Variants in ACBD6 observed in about 807,000 individuals in gnomAD.
The protein encoded by ACBD6 is acyl-CoA-binding domain-containing protein 6.
Under a neutral mutation model 37.2 loss-of-function variants are expected in ACBD6, and 28 were observed. The observed-to-expected ratio is 0.75, with a 90% CI of 0.56 to 1.03. The LOEUF (loss-of-function observed/expected upper bound fraction) is 1.03, where lower values mean the gene tolerates loss of function less well. ACBD6 is among the 50% of genes least tolerant of loss of function. ACBD6 has a pLI of 0.00. For synonymous variants in ACBD6, 113 were observed against 126.8 expected, an observed-to-expected ratio of 0.89 and a Z score of 0.73; for missense variants, 340 against 337.4, an observed-to-expected ratio of 1.01 and a Z score of -0.06.
intron 3 of ACBD6, among the ~76,000 whole-genome samples, chr1:180,473,033 C>T (rs1650627679): frequency 6.6e-6 from 1 of 151,852 alleles, no homozygotes; most frequent in Non-Finnish European, 1.5e-5. Context: ...GTGAAATGCT[C>T]CATGGACTAT....
chr1:180,351,642 T>C (rs1652425636), intron 6 of ACBD6, among the ~76,000 whole-genome samples: 2 of 148,606 alleles, frequency 1.3e-5, no homozygotes, highest in South Asian at 4.2e-4. Context: ...TCTATTAAGA[T>C]GGCTAGTATC....
chr1:180,353,545 A>G (rs1482286552), intron 6 of ACBD6, among the ~76,000 whole-genome samples: 1 of 152,144 alleles, frequency 6.6e-6, no homozygotes, highest in African/African-American at 2.4e-5. Flanking sequence ...GCTGCAAAAG[A>G]TGTCAGAATT....
chr1:180,386,890 C>A (rs4642852), intron 6 of ACBD6, among the ~76,000 whole-genome samples: 100,341 of 151,938 alleles, frequency 0.66, 33,211 homozygotes, highest in South Asian at 0.76. Flanking sequence ...GATAATTTCA[C>A]CATCTCACTG....
intron 3 of ACBD6, chr1:180,434,690 T>G: frequency 2.3e-6 from 1 of 441,154 alleles, no homozygotes; most frequent in South Asian, 2.1e-5. Context: ...CTTCGAGTTG[T>G]CCTGTCTTTC....
At chr1:180,492,615 A>G (rs2102091190) in intron 2 of ACBD6, among the ~76,000 whole-genome samples, 1 of 152,300 alleles carries the variant, frequency 6.6e-6, no homozygotes, top group Non-Finnish European at 1.5e-5. Flanking sequence ...TTTTAAAAAC[A>G]CAGATACAAT....
intron 3 of ACBD6, among the ~76,000 whole-genome samples, chr1:180,480,939 G>A (rs527953055): frequency 6.6e-6 from 1 of 151,882 alleles, no homozygotes; most frequent in South Asian, 2.1e-4. Flanking sequence ...GCTGAGGCAG[G>A]AGAATTGCTG....
intron 3 of ACBD6, among the ~76,000 whole-genome samples, chr1:180,439,380 C>T (rs561509181): frequency 2.0e-3 from 304 of 152,176 alleles, no homozygotes; most frequent in African/African-American, 7.0e-3. Flanking sequence ...GTCAGGAGAT[C>T]GAGACCATCC....
chr1:180,291,318 A>C (rs1649699053), intron 7 of ACBD6, among the ~76,000 whole-genome samples: 1 of 152,234 alleles, frequency 6.6e-6, no homozygotes, highest in African/African-American at 2.4e-5. Flanking sequence ...ACTTTTCTAA[A>C]GTTTTCACTC....
intron 3 of ACBD6, among the ~76,000 whole-genome samples, chr1:180,446,548 GT>G (rs959763191): frequency 6.6e-6 from 1 of 151,966 alleles, no homozygotes; most frequent in Non-Finnish European, 1.5e-5. Flanking sequence ...AAGAATATTG[GT>G]TTCATCTCAT....
At chr1:180,365,980 G>C (rs1021641199) in intron 6 of ACBD6, among the ~76,000 whole-genome samples, 2 of 151,904 alleles carry the variant, frequency 1.3e-5, no homozygotes, top group Non-Finnish European at 2.9e-5. Flanking sequence ...CAAATTGCTT[G>C]GTCTCATTTG....
At chr1:180,315,518 G>A (rs1460454469) in intron 6 of ACBD6, among the ~76,000 whole-genome samples, 1 of 152,160 alleles carries the variant, frequency 6.6e-6, no homozygotes, top group African/African-American at 2.4e-5. Context: ...CCTGGTAATT[G>A]AGAATAAATG....
At chr1:180,414,224 CAG>C (rs1379707314) in intron 4 of ACBD6, among the ~76,000 whole-genome samples, 3 of 152,196 alleles carry the variant, frequency 2.0e-5, no homozygotes, top group Non-Finnish European at 4.4e-5. Context: ...TCAAAAGAAT[CAG>C]TGACTCCCAT....
chr1:180,387,566 AG>A (rs1375427268), intron 6 of ACBD6, among the ~76,000 whole-genome samples: 2 of 152,212 alleles, frequency 1.3e-5, no homozygotes, highest in African/African-American at 4.8e-5. Context: ...ACCACTGGGC[AG>A]GAACTGAAAG....
chr1:180,349,125 T>C (rs1652301527), intron 6 of ACBD6, among the ~76,000 whole-genome samples: 1 of 151,970 alleles, frequency 6.6e-6, no homozygotes, highest in African/African-American at 2.4e-5. Flanking sequence ...TTTAACTTAA[T>C]TTTTCTTATA....
At chr1:180,441,924 A>C (rs1331161337) in intron 3 of ACBD6, among the ~76,000 whole-genome samples, 1 of 152,202 alleles carries the variant, frequency 6.6e-6, no homozygotes, top group African/African-American at 2.4e-5. Flanking sequence ...AATGTTGAAC[A>C]GGAGTGGTGA....
At chr1:180,421,549 G>T (rs769351602) in intron 4 of ACBD6, among the ~76,000 whole-genome samples, 4 of 152,106 alleles carry the variant, frequency 2.6e-5, no homozygotes, top group Admixed American at 6.5e-5. Flanking sequence ...TGTTATTTCT[G>T]CCTCTAGGTC....
chr1:180,442,063 T>C (rs1649302525), intron 3 of ACBD6, among the ~76,000 whole-genome samples: 1 of 152,208 alleles, frequency 6.6e-6, no homozygotes, highest in Non-Finnish European at 1.5e-5. Flanking sequence ...TACAGGTTGG[T>C]CGTCTTTTCC....
chr1:180,478,423 C>T (rs185661106), intron 3 of ACBD6, among the ~76,000 whole-genome samples: 1 of 152,060 alleles, frequency 6.6e-6, no homozygotes, highest in East Asian at 1.9e-4. Context: ...AACAATACAA[C>T]CTAGACAAGG....
chr1:180,414,145 T>C (rs144666609), intron 4 of ACBD6, among the ~76,000 whole-genome samples: 80 of 152,326 alleles, frequency 5.3e-4, no homozygotes, highest in African/African-American at 1.8e-3. Flanking sequence ...TACAGAATTA[T>C]CTTTATAACG....
Sources: allele counts gnomAD v4.1 joint callset (sites outside exome capture counted in the v4.1 genomes callset), GRCh38; gene constraint gnomAD v4.1.1; transcripts MANE v1.5; gene names NCBI Gene and HGNC (gene_info 2026-07-23, HGNC 2026-07-21).